FHAD1: variants seen among roughly 807,000 people sequenced by gnomAD.
FHAD1 encodes the protein forkhead associated phosphopeptide binding domain 1.
In FHAD1, 146 loss-of-function variants were observed where a neutral mutation model predicts 191.3. The ratio of observed to expected loss-of-function variants is 0.76; its 90% CI spans 0.67 to 0.88. FHAD1 has a LOEUF of 0.88. Among genes scored for constraint, FHAD1 ranks in the 40% least tolerant of loss-of-function variants. FHAD1 has a pLI of 0.00. For synonymous variants in FHAD1, 616 were observed against 672.3 expected (o/e 0.92, Z 1.29); for missense variants, 1,635 against 1,785.8 (o/e 0.92, Z 1.52).
At chr1:15,308,417 ATG>A (rs1671211680) in intron 6 of FHAD1, among the ~76,000 whole-genome samples, 194 bp from the exon 7 acceptor site, 1 of 152,142 alleles carries the variant, frequency 6.6e-6, no homozygotes, top group African/African-American at 2.4e-5. Flanking sequence ...TCATGTTTTG[ATG>A]ACATAGGAAG....
Position 15,327,317 on chromosome 1 carries a change from A to T in FHAD1, c.1557+175A>T. 2 of 559,200 alleles carry T rather than the reference A, an allele frequency of 3.6e-6. No homozygotes were observed. The highest frequency in any genetic ancestry group is 3.2e-6 in the Non-Finnish European group (1 of 311,958). 34.6% of individuals were successfully genotyped at this position (559,200 alleles called of 1,614,324 possible). A position where few individuals can be genotyped will look rare whatever the true frequency, so the allele number is the denominator to read the frequency against. ...TTTTATGGGATTTCCTGGCTTTTAAAGTAAAAGCCAGTTAAAACTCCCTTG... is the reference window on the plus strand; with the variant it reads ...TTTTATGGGATTTCCTGGCTTTTAATGTAAAAGCCAGTTAAAACTCCCTTG... On this transcript the variant is annotated intron_variant, in intron 12 of 33. Coordinates refer to ENST00000688493, the MANE Select transcript of FHAD1 (RefSeq NM_001391957.1). This position sits in a 1 kb window ranked among gnomAD's most constrained non-coding sequence, Gnocchi z 5.1.
In FHAD1 at chr1:15,377,419, C is replaced by G. The variant is rs571875374; in HGVS notation, c.3705+1689C>G. On this transcript the variant is annotated intron_variant, in intron 28 of 33. Transcript: ENST00000688493. ...GCTCCAGTCCCACCACAGACTGACC[C>G]GCTCCCAAGACGGGCCTTCCCCTCC... Among the ~76,000 whole-genome samples the G allele has an allele frequency of 5.8e-4, 89 of 152,260 alleles. 1 individual carries two copies. The highest frequency in any genetic ancestry group is 2.0e-3 in the African/African-American group (83 of 41,544).
chr1:15,399,106 G>A (rs941692806), downstream of FHAD1, among the ~76,000 whole-genome samples: 11 of 152,170 alleles, frequency 7.2e-5, no homozygotes, highest in Admixed American at 6.5e-4. Context: ...ACAGGCATGA[G>A]CTACCGCGGC....
chr1:15,284,064 G>A (rs189576824), intron 3 of FHAD1, among the ~76,000 whole-genome samples: 213 of 152,218 alleles, frequency 1.4e-3, no homozygotes, highest in Admixed American at 2.7e-3. Context: ...TGCACAAAAT[G>A]TGGGTAAAAA....
intron 23 of FHAD1, chr1:15,363,948 T>C: frequency 2.8e-6 from 1 of 357,036 alleles, no homozygotes; most frequent in Non-Finnish European, 5.5e-6. Context: ...ACAGGGTTTT[T>C]ACCCCAAAAA....
At chr1:15,249,048 T>C (rs1264939763) in intron 1 of FHAD1, among the ~76,000 whole-genome samples, 3 of 152,158 alleles carry the variant, frequency 2.0e-5, no homozygotes, top group East Asian at 1.9e-4. Context: ...AGGAAACCCA[T>C]GGAGAATTGA....
intron 1 of FHAD1, among the ~76,000 whole-genome samples, chr1:15,240,681 G>A (rs1427806312): frequency 6.7e-5 from 10 of 150,280 alleles, no homozygotes; most frequent in Admixed American, 4.6e-4. Context: ...AGATCGGGCC[G>A]GGCGTGGTGG....
chr1:15,332,586 G>T (rs1682158588), intron 14 of FHAD1, among the ~76,000 whole-genome samples: 1 of 152,140 alleles, frequency 6.6e-6, no homozygotes, highest in South Asian at 2.1e-4. Flanking sequence ...AGGCATGGTG[G>T]CACAGGCCTG....
At chr1:15,336,236 C>A (rs2102037844) in intron 14 of FHAD1, among the ~76,000 whole-genome samples, 1 of 152,256 alleles carries the variant, frequency 6.6e-6, no homozygotes, top group Middle Eastern at 3.4e-3. Flanking sequence ...ACTTCCTTAC[C>A]AGGTTGTTTA....
downstream of FHAD1, chr1:15,399,890 C>T (rs1042901958): frequency 5.4e-4 from 83 of 152,338 alleles, no homozygotes; most frequent in African/African-American, 1.9e-3. Context: ...ATTGCTCAGC[C>T]ATCACTTTCC....
intron 3 of FHAD1, among the ~76,000 whole-genome samples, chr1:15,279,678 C>A (rs961270169): frequency 6.6e-6 from 1 of 151,992 alleles, no homozygotes; most frequent in Non-Finnish European, 1.5e-5. Flanking sequence ...AACTCAGCAG[C>A]TCTAGGAAAA....
intron 3 of FHAD1, among the ~76,000 whole-genome samples, chr1:15,279,431 T>C (rs761767768): frequency 4.7e-5 from 7 of 147,808 alleles, no homozygotes; most frequent in Non-Finnish European, 1.0e-4. Context: ...CTCAGGAATC[T>C]GTCTGTTAGG....
chr1:15,367,645 TG>T, intron 25 of FHAD1, 23 bp downstream of exon 25: 9 of 317,506 alleles, frequency 2.8e-5, no homozygotes, highest in Non-Finnish European at 3.4e-5. Context: ...GGGGCCGGGT[TG>T]GGGGGATGGT....
At chr1:15,376,081 T>TTTA (rs1558271230) in intron 28 of FHAD1, among the ~76,000 whole-genome samples, 1,399 of 128,542 alleles carry the variant, frequency 0.011, 11 homozygotes, top group East Asian at 0.021. Flanking sequence ...TTATTTATTT[T>TTTA]TTTATTTATT....
At chr1:15,247,216 T>A (rs1362563404), upstream of FHAD1, 2 of 162,968 alleles carry the variant, frequency 1.2e-5, no homozygotes, top group Non-Finnish European at 2.7e-5. Flanking sequence ...CCGCGGCGCC[T>A]GGCGGCGTTG....
In FHAD1 at chr1:15,326,804, C is replaced by T; in HGVS notation, c.1474-255C>T. ...AAGAGGCTCTTCTGAGGGTTTGAGA[C>T]ATGTGTGTGCACTGACCACAGGCAT... On this transcript the variant is annotated intron_variant, in intron 11 of 33. Coordinates refer to ENST00000688493, the MANE Select transcript of FHAD1 (RefSeq NM_001391957.1). The T allele has an allele frequency of 8.8e-6, 3 of 342,464 alleles. No individual in the cohort carries two copies. The East Asian group carries it at 1.4e-4, about 16-fold the overall frequency. The allele number at this position is 342,464 out of a possible 1,614,324, so 21.2% of individuals were successfully genotyped here.
At chr1:15,269,918 T>C (rs1214918381) in intron 2 of FHAD1, among the ~76,000 whole-genome samples, 5 of 148,740 alleles carry the variant, frequency 3.4e-5, no homozygotes, top group South Asian at 4.2e-4. Context: ...TGGCTCTCTT[T>C]TTTTTTTTTT....
intron 15 of FHAD1, among the ~76,000 whole-genome samples, chr1:15,341,274 G>C (rs889710111): frequency 6.6e-6 from 1 of 152,088 alleles, no homozygotes. Context: ...GTCAACCCCT[G>C]GTCTAGTCCC....
At chr1:15,257,220 G>A (rs1453404603) in intron 2 of FHAD1, among the ~76,000 whole-genome samples, 2 of 152,232 alleles carry the variant, frequency 1.3e-5, no homozygotes, top group African/African-American at 4.8e-5. Context: ...CTGCCCTCCA[G>A]TGAAGGCTTA....
Sources: allele counts gnomAD v4.1 joint callset (sites outside exome capture counted in the v4.1 genomes callset), GRCh38; gene constraint gnomAD v4.1.1; non-coding constraint Gnocchi (gnomAD v3.1); transcripts MANE v1.5; gene names NCBI Gene and HGNC (gene_info 2026-07-23, HGNC 2026-07-21).